The following GTF2A1L variants were observed in gnomAD, a reference collection of about 807,000 sequenced individuals.
GTF2A1L encodes TFIIA-alpha and beta-like factor.
A neutral mutation model predicts 49.7 loss-of-function variants in GTF2A1L; 48 were observed. The observed-to-expected ratio is 0.97, with a 90% CI of 0.77 to 1.23. The LOEUF (loss-of-function observed/expected upper bound fraction) is 1.23. GTF2A1L is among the 50% of genes most tolerant of loss of function. The pLI is 0.00. For missense variants in GTF2A1L, 736 were observed against 564.8 expected, an observed-to-expected ratio of 1.30 and a Z score of -3.07; for synonymous variants, 246 against 193.5, an observed-to-expected ratio of 1.27 and a Z score of -2.25.
At chr2:48,623,185 A>G (rs1676107006) in intron 3 of GTF2A1L, among the ~76,000 whole-genome samples, 1 of 152,206 alleles carries the variant, frequency 6.6e-6, no homozygotes, top group Non-Finnish European at 1.5e-5. Flanking sequence ...AAATAGTCTC[A>G]TAAAATTGAA....
At chr2:48,664,395 T>G (rs1396597796) in intron 6 of GTF2A1L, among the ~76,000 whole-genome samples, 2 of 152,030 alleles carry the variant, frequency 1.3e-5, no homozygotes, top group Non-Finnish European at 2.9e-5. Flanking sequence ...TTCTTTCATG[T>G]TTTGATATGG....
intron 3 of GTF2A1L, among the ~76,000 whole-genome samples, chr2:48,624,795 C>G (rs1572696404): frequency 1.4e-5 from 2 of 142,066 alleles, no homozygotes; most frequent in East Asian, 3.9e-4. Flanking sequence ...TGAGATCATG[C>G]AATACTTTTC....
chr2:48,660,957 G>A (rs188974181), intron 6 of GTF2A1L, among the ~76,000 whole-genome samples: 1 of 152,030 alleles, frequency 6.6e-6, no homozygotes, highest in African/African-American at 2.4e-5. Flanking sequence ...GATAATTTTA[G>A]TTGAGTCTTC....
intron 6 of GTF2A1L, among the ~76,000 whole-genome samples, chr2:48,656,485 T>G (rs1678184113): frequency 6.6e-6 from 1 of 152,034 alleles, no homozygotes; most frequent in Non-Finnish European, 1.5e-5. Flanking sequence ...TGGCCACTTG[T>G]ATGCATTCTT....
At chr2:48,635,584 G>A (rs1676841694) in intron 3 of GTF2A1L, among the ~76,000 whole-genome samples, 1 of 152,092 alleles carries the variant, frequency 6.6e-6, no homozygotes, top group African/African-American at 2.4e-5. Context: ...TGCAACTGTA[G>A]CAGCTCTCCT....
intron 5 of GTF2A1L, 72 bp from the exon 6 acceptor site, chr2:48,646,381 T>C (rs1677508610): frequency 7.6e-7 from 1 of 1,317,470 alleles, no homozygotes; most frequent in African/African-American, 1.5e-5. Context: ...AGATTTTTTT[T>C]TTTTTTTGTG....
Position 48,664,689 on chromosome 2 carries a change from G to A in GTF2A1L, c.979-5033G>A, listed in dbSNP as rs114892573. Among the ~76,000 whole-genome samples the A allele has an allele frequency of 4.8e-3, 728 of 152,092 alleles. 9 individuals are homozygous for A. Among genetic ancestry groups the A allele is most frequent in the African/African-American group, 0.015 (634 of 41,498 alleles). On this transcript the variant is annotated intron_variant, in intron 6 of 8. Coordinates refer to ENST00000403751, the MANE Select transcript of GTF2A1L (RefSeq NM_006872.5). ...GGAATTAAATTTCTTTAACTGATAC[G>A]TCTCTTTAGGTTATCTGTTTCTTCT...
At chr2:48,662,225 A>G (rs1186375094) in intron 6 of GTF2A1L, among the ~76,000 whole-genome samples, 1 of 152,226 alleles carries the variant, frequency 6.6e-6, no homozygotes, top group East Asian at 1.9e-4. Context: ...TATTTTATTT[A>G]CACATTAACA....
intron 4 of GTF2A1L, among the ~76,000 whole-genome samples, chr2:48,644,094 C>A (rs976882231): frequency 6.6e-6 from 1 of 152,122 alleles, no homozygotes; most frequent in Non-Finnish European, 1.5e-5. Context: ...TCACTTGAGC[C>A]TCGTAATTGG....
intron 6 of GTF2A1L, among the ~76,000 whole-genome samples, chr2:48,650,162 C>A (rs1198503551): frequency 1.1e-4 from 16 of 152,138 alleles, no homozygotes; most frequent in Admixed American, 1.0e-3. Flanking sequence ...TTGACAGTTA[C>A]ATTTATCTTT....
At chr2:48,674,513 G>A (rs765430795) in intron 8 of GTF2A1L, among the ~76,000 whole-genome samples, 18 of 151,944 alleles carry the variant, frequency 1.2e-4, no homozygotes, top group African/African-American at 4.4e-4. Flanking sequence ...ATAGAAAACC[G>A]CAATTTAGAT....
intron 6 of GTF2A1L, among the ~76,000 whole-genome samples, chr2:48,654,203 G>A (rs1490056500): frequency 6.6e-6 from 1 of 152,040 alleles, no homozygotes; most frequent in African/African-American, 2.4e-5. Context: ...ATGAAGTCCA[G>A]TTTATTATTT....
At chr2:48,651,376 A>C (rs1186817986) in intron 6 of GTF2A1L, among the ~76,000 whole-genome samples, 1 of 151,744 alleles carries the variant, frequency 6.6e-6, no homozygotes, top group Non-Finnish European at 1.5e-5. Context: ...GGCTGCCAAC[A>C]TCTGATTTTA....
chr2:48,632,718 A>G (rs1280280002), intron 3 of GTF2A1L: 1 of 162,630 alleles, frequency 6.1e-6, no homozygotes, highest in Non-Finnish European at 1.3e-5. Context: ...CACTCCAAAG[A>G]TATAATGGTC....
At chr2:48,662,218 T>C (rs1678548711) in intron 6 of GTF2A1L, among the ~76,000 whole-genome samples, 1 of 152,234 alleles carries the variant, frequency 6.6e-6, no homozygotes, top group Admixed American at 6.5e-5. Flanking sequence ...TTCTTCATAT[T>C]TTATTTACAC....
chr2:48,646,390 TG>T, intron 5 of GTF2A1L, 62 bp from the exon 6 acceptor site: 3 of 1,314,494 alleles, frequency 2.3e-6, no homozygotes, highest in South Asian at 2.1e-5. Context: ...TTTTTTTTTG[TG>T]GTGGTTGTCA....
intron 6 of GTF2A1L, among the ~76,000 whole-genome samples, chr2:48,668,852 A>G (rs947719112): frequency 1.3e-5 from 2 of 152,008 alleles, no homozygotes; most frequent in East Asian, 1.9e-4. Flanking sequence ...AAATAAATAA[A>G]TAAATAAATA....
At chr2:48,661,473 C>G (rs1572758659) in intron 6 of GTF2A1L, among the ~76,000 whole-genome samples, 1 of 151,654 alleles carries the variant, frequency 6.6e-6, no homozygotes, top group Non-Finnish European at 1.5e-5. Context: ...AGGCTGATCT[C>G]GAACTCCTGA....
At chr2:48,650,418 T>C (rs1298959628) in intron 6 of GTF2A1L, among the ~76,000 whole-genome samples, 1 of 152,144 alleles carries the variant, frequency 6.6e-6, no homozygotes, top group Non-Finnish European at 1.5e-5. Context: ...TAGTCAAGGC[T>C]AAGAACCACT....
Sources: gnomAD v4.1 joint callset for allele counts (sites outside exome capture counted in the v4.1 genomes callset) on GRCh38, gnomAD v4.1.1 for gene constraint, MANE v1.5 for transcripts, NCBI Gene and HGNC (gene_info 2026-07-23, HGNC 2026-07-21) for gene names.